CLOCK: variants seen among roughly 807,000 people sequenced by gnomAD.
CLOCK encodes circadian locomoter output cycles protein kaput.
A neutral mutation model predicts 118.4 loss-of-function variants in CLOCK; 43 were observed. The observed-to-expected ratio is 0.36, with a 90% confidence interval of 0.28 to 0.47. The LOEUF is 0.47. Among genes scored for constraint, CLOCK ranks in the 20% least tolerant of loss-of-function variants. The pLI is 1.00. For synonymous variants in CLOCK, 326 were observed against 339.2 expected (o/e 0.96, Z 0.43); for missense variants, 846 against 999.9 (o/e 0.85, Z 2.08).
chr4:55,470,851 T>C, intron 7 of CLOCK, 45 bp from the exon 8 acceptor site: 1 of 1,350,496 alleles, frequency 7.4e-7, no homozygotes, highest in Non-Finnish European at 1.1e-6. Context: ...GAAAAAAGTA[T>C]TTTGCAGGAC....
chr4:55,544,987 A>C (rs1553905344), intron 1 of CLOCK, among the ~76,000 whole-genome samples: 1 of 149,794 alleles, frequency 6.7e-6, no homozygotes, highest in Non-Finnish European at 1.5e-5. Context: ...AAGCTTCCTT[A>C]TTCTTTTTTC....
chr4:55,485,830 G>A (rs867155954), intron 3 of CLOCK, among the ~76,000 whole-genome samples: 1 of 152,036 alleles, frequency 6.6e-6, no homozygotes, highest in Admixed American at 6.6e-5. Flanking sequence ...CATATTGCAT[G>A]CCTTTATCAA....
At chr4:55,487,834 G>T (rs1341130761) in intron 3 of CLOCK, among the ~76,000 whole-genome samples, 1 of 152,164 alleles carries the variant, frequency 6.6e-6, no homozygotes, top group Non-Finnish European at 1.5e-5. Flanking sequence ...CCTGGGATTT[G>T]CAAGAAAGTT....
intron 1 of CLOCK, among the ~76,000 whole-genome samples, chr4:55,530,773 G>A (rs1468235891): frequency 6.5e-4 from 1 of 1,532 alleles, no homozygotes; most frequent in Non-Finnish European, 1.5e-3. Flanking sequence ...AGACTCCATC[G>A]CAAAAAAAAA....
At chr4:55,494,279 T>C (rs1727907485) in intron 2 of CLOCK, among the ~76,000 whole-genome samples, 1 of 152,134 alleles carries the variant, frequency 6.6e-6, no homozygotes, top group South Asian at 2.1e-4. Context: ...GGGAGCCCTG[T>C]GGTAGGCAGA....
At chr4:55,508,614 A>G (rs2110017376) in intron 2 of CLOCK, among the ~76,000 whole-genome samples, 1 of 147,638 alleles carries the variant, frequency 6.8e-6, no homozygotes, top group East Asian at 2.0e-4. Flanking sequence ...TTTTTTTGAG[A>G]CGGAGTCTTG....
intron 13 of CLOCK, among the ~76,000 whole-genome samples, chr4:55,455,558 C>T (rs986280837): frequency 6.6e-6 from 1 of 152,094 alleles, no homozygotes; most frequent in Non-Finnish European, 1.5e-5. Context: ...ATTCACATGC[C>T]TCAAAATCAA....
chr4:55,539,894 A>G (rs945236011), intron 1 of CLOCK, among the ~76,000 whole-genome samples: 1 of 152,116 alleles, frequency 6.6e-6, no homozygotes, highest in Non-Finnish European at 1.5e-5. Context: ...AGCCCATAAC[A>G]TCATATAAGT....
chr4:55,497,919 TAA>T, intron 2 of CLOCK, among the ~76,000 whole-genome samples: 1 of 151,522 alleles, frequency 6.6e-6, no homozygotes, highest in East Asian at 1.9e-4. Context: ...GCCTATTTTT[TAA>T]AAGGGCAAAT....
At chr4:55,479,776 TCA>T in intron 4 of CLOCK, 77 bp from the exon 5 acceptor site, 12 of 1,101,652 alleles carry the variant, frequency 1.1e-5, no homozygotes, top group Non-Finnish European at 1.7e-5. Flanking sequence ...GTAAATCAAC[TCA>T]GTTATGCCCT....
chr4:55,475,902 GTCACCCT>G (rs1407133501), intron 7 of CLOCK, 54 bp downstream of exon 7: 8 of 1,157,878 alleles, frequency 6.9e-6, no homozygotes, highest in Admixed American at 1.8e-5. Flanking sequence ...TGGATATTAA[GTCACCCT>G]GTGATTTCTT....
At chr4:55,449,967 T>C (rs1014002403) in intron 16 of CLOCK, 124 bp downstream of exon 16, 8 of 1,212,320 alleles carry the variant, frequency 6.6e-6, no homozygotes, top group Non-Finnish European at 7.1e-6. Flanking sequence ...GAAAGGTTAC[T>C]ACATTTCAGA....
At chr4:55,466,962 C>T (rs912306960) in intron 8 of CLOCK, among the ~76,000 whole-genome samples, 2 of 152,106 alleles carry the variant, frequency 1.3e-5, no homozygotes, top group Admixed American at 6.6e-5. Context: ...TCAACGTTAC[C>T]ATTTAGTGAT....
chr4:55,522,080 A>G (rs990498100), intron 1 of CLOCK, among the ~76,000 whole-genome samples: 2 of 152,202 alleles, frequency 1.3e-5, no homozygotes, highest in African/African-American at 2.4e-5. Context: ...AAATAGGGCA[A>G]AAAGTTATAC....
At chr4:55,445,582 CTTTTTTTTTTTTTTTT>C (rs56157186) in intron 18 of CLOCK, among the ~76,000 whole-genome samples, 1 of 68,574 alleles carries the variant, frequency 1.5e-5, no homozygotes, top group Non-Finnish European at 2.7e-5. Flanking sequence ...TTTCTATATT[CTTTTTTTTTTTTTTTT>C]TTTTTTTTTT....
At chr4:55,456,850 T>A (rs1724955191) in intron 11 of CLOCK, among the ~76,000 whole-genome samples, 1 of 152,086 alleles carries the variant, frequency 6.6e-6, no homozygotes, top group South Asian at 2.1e-4. Flanking sequence ...GGCTAATTTT[T>A]GTATTTTTAT....
intron 22 of CLOCK, among the ~76,000 whole-genome samples, chr4:55,437,762 C>T (rs1276789645): frequency 1.3e-5 from 2 of 152,216 alleles, no homozygotes; most frequent in Non-Finnish European, 2.9e-5. Context: ...CTAGACTTTA[C>T]AGCCCAAGTT....
intron 18 of CLOCK, among the ~76,000 whole-genome samples, 163 bp downstream of exon 18, chr4:55,448,616 G>GCA (rs1724140464): frequency 1.5e-5 from 2 of 130,822 alleles, no homozygotes; most frequent in African/African-American, 6.4e-5. Flanking sequence ...GTGTGTGTGT[G>GCA]TGTGTGTGTG....
At chr4:55,526,416 G>A (rs1409630782) in intron 1 of CLOCK, among the ~76,000 whole-genome samples, 1 of 152,078 alleles carries the variant, frequency 6.6e-6, no homozygotes, top group Non-Finnish European at 1.5e-5. Context: ...TTAACACTGG[G>A]ACAACCACAT....
Sources: gnomAD v4.1 joint callset for allele counts (sites outside exome capture counted in the v4.1 genomes callset) on GRCh38, gnomAD v4.1.1 for gene constraint, MANE v1.5 for transcripts, NCBI Gene and HGNC (gene_info 2026-07-23, HGNC 2026-07-21) for gene names.